Variants in VIL1 observed in about 807,000 individuals in gnomAD.
The protein encoded by VIL1 is villin-1.
A neutral mutation model predicts 104.0 loss-of-function variants in VIL1; 86 were observed. The ratio of observed to expected loss-of-function variants is 0.83; its 90% CI spans 0.69 to 0.99. The LOEUF is 0.99. VIL1 is among the 50% of genes least tolerant of loss of function. The pLI is 0.00. For missense variants in VIL1, 944 were observed against 1,054.1 expected (o/e 0.90, Z 1.45); for synonymous variants, 394 against 412.6 (o/e 0.95, Z 0.55).
chr2:218,433,771 G>A (rs1363670581), intron 13 of VIL1, among the ~76,000 whole-genome samples: 4 of 152,126 alleles, frequency 2.6e-5, no homozygotes, highest in Non-Finnish European at 5.9e-5. Flanking sequence ...GCCAAACGTG[G>A]TAGTGCACAC....
intron 19 of VIL1, among the ~76,000 whole-genome samples, chr2:218,444,152 T>C (rs1198175250): frequency 6.6e-6 from 1 of 151,934 alleles, no homozygotes; most frequent in African/African-American, 2.4e-5. Flanking sequence ...GTATTTTTAG[T>C]TGAGACAGGG....
At chr2:218,426,380 C>T (rs1240866339) in intron 4 of VIL1, among the ~76,000 whole-genome samples, 1 of 152,020 alleles carries the variant, frequency 6.6e-6, no homozygotes, top group Admixed American at 6.6e-5. Flanking sequence ...TCAGCCTCCC[C>T]AGTAGCTGGG....
intron 10 of VIL1, among the ~76,000 whole-genome samples, chr2:218,431,584 T>C (rs1689099209): frequency 1.3e-5 from 2 of 152,136 alleles, no homozygotes; most frequent in South Asian, 4.1e-4. Context: ...GTCTGAATGC[T>C]GCAGGGGTCA....
rs1262240306 is a variant in VIL1 at position 218,425,484 on chromosome 2, G to A, written c.151-131G>A. 1.8e-5 allele frequency: 15 copies of A among 832,790 alleles called. No homozygotes were observed. The South Asian group carries it at 1.9e-4, about 11-fold the overall frequency. 51.6% of individuals were successfully genotyped at this position (832,790 alleles called of 1,614,324 possible). On this transcript the variant is annotated intron_variant, in intron 3 of 19. Coordinates refer to ENST00000248444, the MANE Select transcript of VIL1 (RefSeq NM_007127.3). Reference sequence around the variant, plus strand: ...GGGCCATGACTCAGGGCTCCTAACCGCCAGCCTAGTGCACTTGCCCTGTGC... The same window carrying A: ...GGGCCATGACTCAGGGCTCCTAACCACCAGCCTAGTGCACTTGCCCTGTGC...
intron 19 of VIL1, among the ~76,000 whole-genome samples, chr2:218,441,771 T>C (rs1052110425): frequency 6.6e-6 from 1 of 152,150 alleles, no homozygotes; most frequent in Admixed American, 6.5e-5. Flanking sequence ...GCGGATCACC[T>C]GAGGTCAGGT....
intron 8 of VIL1, 78 bp downstream of exon 8, chr2:218,429,753 T>G: frequency 6.3e-7 from 1 of 1,590,180 alleles, no homozygotes; most frequent in Non-Finnish European, 8.6e-7. Flanking sequence ...CCAGGGGGCT[T>G]GGGGTGGGCC....
chr2:218,443,090 A>C (rs570117379), intron 19 of VIL1, among the ~76,000 whole-genome samples: 1 of 152,280 alleles, frequency 6.6e-6, no homozygotes, highest in African/African-American at 2.4e-5. Flanking sequence ...GTCCAGAGAG[A>C]TGAAGTGACT....
At chr2:218,424,139 C>G (rs974290689) in intron 2 of VIL1, 138 bp from the exon 3 acceptor site, 1 of 740,912 alleles carries the variant, frequency 1.3e-6, no homozygotes. Flanking sequence ...CAGTTTTCTT[C>G]TCCTCTCTTC....
At chr2:218,441,037 C>T (rs1408941055) in intron 19 of VIL1, among the ~76,000 whole-genome samples, 175 bp downstream of exon 19, 1 of 152,158 alleles carries the variant, frequency 6.6e-6, no homozygotes, top group Admixed American at 6.5e-5. Context: ...CCTGGTTACA[C>T]TATTATTTAA....
rs571489837 is a variant in VIL1 at position 218,441,373 on chromosome 2, A to T, written c.2370+511A>T. On this transcript the variant is annotated intron_variant, in intron 19 of 19. Coordinates refer to ENST00000248444, the MANE Select transcript of VIL1 (RefSeq NM_007127.3). ...CACTGCACTCCACCCTGGGTGACAG[A>T]GTGAGACTGTCTCAAAAAAAGAAAA... 2.6e-5 allele frequency among the ~76,000 whole-genome samples: 4 copies of T among 151,614 alleles called. No homozygotes were observed. The South Asian group carries it at 8.4e-4, about 32-fold the overall frequency.
chr2:218,435,360 G>A lies in VIL1; in HGVS notation c.1752G>A (p.Val584=), dbSNP rs1689171063. 6.2e-7 allele frequency: 1 copy of A among 1,614,152 alleles called. No individual in the cohort carries two copies. Among genetic ancestry groups the A allele is most frequent in the East Asian group, 2.2e-5 (1 of 44,884 alleles). Residue 584 remains valine (V), a synonymous_variant, in exon 15 of 20, where the codon GTG becomes GTA. Transcript: ENST00000248444. ...ADTISRTEKQ[V]VVEGQEPANF... ...CCATCTCCCGGACGGAGAAGCAAGT[G>A]GTGGTGGAAGGGCAGGAGCCAGCCA...
intron 18 of VIL1, among the ~76,000 whole-genome samples, 189 bp from the exon 19 acceptor site, chr2:218,440,533 G>A (rs571471301): frequency 6.6e-6 from 1 of 152,162 alleles, no homozygotes; most frequent in Non-Finnish European, 1.5e-5. Context: ...GCCTCCCAAA[G>A]TGCTGGGATT....
In VIL1 at chr2:218,428,317, AC is replaced by A. The variant is rs895946635; in HGVS notation, c.550del (p.Arg184ValfsTer8). ...CATCCAGTGGAATGGACCGGAAAGC[AC>A]CCGTATGGAGAGACTCAGGGTAAAC... ...LIIQWNGPES[T>X]RMERLRGMTL... On this transcript the variant is annotated frameshift_variant, in exon 6 of 20. Coordinates refer to ENST00000248444, the MANE Select transcript of VIL1 (RefSeq NM_007127.3). LOFTEE classifies it high-confidence loss of function. 1 of 1,613,946 alleles carries A rather than the reference AC, an allele frequency of 6.2e-7. No homozygotes were observed. Among genetic ancestry groups the A allele is most frequent in the African/African-American group, 1.3e-5 (1 of 74,876 alleles).
intron 17 of VIL1, among the ~76,000 whole-genome samples, chr2:218,438,198 T>C (rs1439564596): frequency 1.3e-5 from 2 of 152,160 alleles, no homozygotes; most frequent in African/African-American, 4.8e-5. Flanking sequence ...TCAGCATAAG[T>C]GTGCTCTAGG....
In VIL1 at chr2:218,440,875, C is replaced by T. The variant is rs749957861; in HGVS notation, c.2370+13C>T. ...CAGCAGGAAGGAGGTAGGTCAGATT[C>T]TCAAAGGAAGACAAAGAAGTCCATT... On this transcript the variant is annotated intron_variant, in intron 19 of 19. Coordinates refer to ENST00000248444, the MANE Select transcript of VIL1 (RefSeq NM_007127.3). 2 of 1,613,458 alleles carry T rather than the reference C, an allele frequency of 1.2e-6. No homozygotes were observed. The highest frequency in any genetic ancestry group is 2.2e-5 in the South Asian group (2 of 90,988).
Position 218,432,962 on chromosome 2 carries a change from T to G in VIL1, c.1500+11T>G, listed in dbSNP as rs1370290053. 6.2e-7 allele frequency: 1 copy of G among 1,614,012 alleles called. No individual in the cohort carries two copies. The highest frequency in any genetic ancestry group is 8.5e-7 in the Non-Finnish European group (1 of 1,179,974). Reference sequence around the variant, plus strand: ...ATGGTGGTCTACCAGGTGTGGCTGCTGAACTGAGGTGTCTGGCAGTAACCA... The same window carrying G: ...ATGGTGGTCTACCAGGTGTGGCTGCGGAACTGAGGTGTCTGGCAGTAACCA... On this transcript the variant is annotated intron_variant, in intron 13 of 19. Transcript: ENST00000248444.
At position 218,427,716 on chromosome 2, in the gene VIL1, C is replaced by T. The variant is rs76085135; in HGVS notation, c.348-249C>T. Among the ~76,000 whole-genome samples, 4 of 152,286 alleles carry T rather than the reference C, an allele frequency of 2.6e-5. No homozygotes were observed. In the East Asian group the frequency reaches 7.7e-4, roughly 29 times the overall value. Reference sequence around the variant, plus strand: ...GGACTAGGGCAAGACGAGTGAAGATCTAGGGTGCAGACTTTAAGGTTGCTC... The same window carrying T: ...GGACTAGGGCAAGACGAGTGAAGATTTAGGGTGCAGACTTTAAGGTTGCTC... On this transcript the variant is annotated intron_variant, in intron 4 of 19. Transcript: ENST00000248444.
chr2:218,439,308 A>T (rs192695003), intron 18 of VIL1, among the ~76,000 whole-genome samples: 3 of 152,270 alleles, frequency 2.0e-5, no homozygotes, highest in Non-Finnish European at 2.9e-5. Context: ...TAAAATGCAG[A>T]TTCCAAGGCC....
Position 218,425,664 on chromosome 2 carries a change from G to A in VIL1, c.200G>A (p.Gly67Asp). The A allele has an allele frequency of 6.2e-7, 1 of 1,614,176 alleles. No homozygotes were observed. The highest frequency in any genetic ancestry group is 1.3e-5 in the African/African-American group (1 of 75,040). ...TCCTATGACATCCACTACTGGATTGGCCAGGACTCATCCCTGGATGAGCAG... is the reference window on the plus strand; with the variant it reads ...TCCTATGACATCCACTACTGGATTGACCAGGACTCATCCCTGGATGAGCAG... ...SLSYDIHYWI[G>D]QDSSLDEQGA... The change falls in exon 4 of 20, where the codon GGC becomes GAC. Residue 67 changes from glycine to aspartate, a missense_variant. Physicochemically the swap from Gly to Asp is moderately conservative, Grantham distance 94. Transcript: ENST00000248444.
Sources: allele counts gnomAD v4.1 joint callset (sites outside exome capture counted in the v4.1 genomes callset), GRCh38; gene constraint gnomAD v4.1.1; transcripts MANE v1.5; gene names NCBI Gene and HGNC (gene_info 2026-07-23, HGNC 2026-07-21).